Variants in IGSF21 observed in about 807,000 individuals in gnomAD.
The protein encoded by IGSF21 is immunoglobulin superfamily member 21.
In IGSF21, 28 loss-of-function variants were observed where a neutral mutation model predicts 46.8. That is an observed-to-expected ratio of 0.60 (90% CI 0.44 to 0.82). The LOEUF (loss-of-function observed/expected upper bound fraction) is 0.82. Among genes scored for constraint, IGSF21 ranks in the 40% least tolerant of loss-of-function variants. The pLI, the probability that IGSF21 is intolerant of heterozygous loss-of-function variation, is 0.00. For missense variants in IGSF21, 624 were observed against 665.5 expected (o/e 0.94, Z 0.69); for synonymous variants, 284 against 273.6 (o/e 1.04, Z -0.38).
chr1:18,243,399 G>A (rs938524867), intron 2 of IGSF21, among the ~76,000 whole-genome samples: 5 of 151,816 alleles, frequency 3.3e-5, no homozygotes, highest in Non-Finnish European at 5.9e-5. Context: ...CTCTTCCATC[G>A]AATCCGTTCT....
rs1016195912 is a variant in IGSF21, at chr1:18,108,249, C to T, written c.70+51C>T. Reference sequence around the variant, plus strand: ...GCCGAGCGGTGAACGTGCGCGGGGACGGGGTGCCGGGGGAGGGCGCTGGCC... The same window carrying T: ...GCCGAGCGGTGAACGTGCGCGGGGATGGGGTGCCGGGGGAGGGCGCTGGCC... On this transcript the variant is annotated intron_variant, in intron 1 of 9. Coordinates refer to ENST00000251296, the MANE Select transcript of IGSF21 (RefSeq NM_032880.5). 3 of 1,311,708 alleles carry T rather than the reference C, an allele frequency of 2.3e-6. No homozygotes were observed. In the South Asian group the frequency reaches 6.2e-5, roughly 27 times the overall value. 81.3% of individuals were successfully genotyped at this position (1,311,708 alleles called of 1,614,324 possible).
At chr1:18,355,918 C>T (rs2086012498) in intron 4 of IGSF21, among the ~76,000 whole-genome samples, 1 of 150,116 alleles carries the variant, frequency 6.7e-6, no homozygotes, top group Non-Finnish European at 1.5e-5. Context: ...TCACTGCAAC[C>T]TCCGCCTTCC....
At chr1:18,192,022 G>A (rs112281590) in intron 1 of IGSF21, among the ~76,000 whole-genome samples, 74 of 152,148 alleles carry the variant, frequency 4.9e-4, no homozygotes, top group African/African-American at 1.5e-3. Flanking sequence ...GGGCTGCCAC[G>A]CTCTGTCATG....
intron 1 of IGSF21, among the ~76,000 whole-genome samples, chr1:18,221,727 G>A (rs1402083219): frequency 1.3e-5 from 2 of 152,144 alleles, no homozygotes; most frequent in Non-Finnish European, 2.9e-5. Flanking sequence ...TCGATACCGC[G>A]CTTAGTGGGG....
At chr1:18,359,124 A>ACAAAAC (rs1353499444) in intron 4 of IGSF21, among the ~76,000 whole-genome samples, 1 of 151,334 alleles carries the variant, frequency 6.6e-6, no homozygotes, top group Admixed American at 6.6e-5. Flanking sequence ...AAAAACAAAA[A>ACAAAAC]CAAAACAGGC....
intron 2 of IGSF21, among the ~76,000 whole-genome samples, chr1:18,283,271 A>G (rs555241687): frequency 6.6e-6 from 1 of 152,330 alleles, no homozygotes; most frequent in African/African-American, 2.4e-5. Flanking sequence ...GGGGAAGCCA[A>G]TTACCTTGAG....
chr1:18,341,352 G>A (rs2085839500), intron 4 of IGSF21, among the ~76,000 whole-genome samples: 1 of 151,982 alleles, frequency 6.6e-6, no homozygotes, highest in Admixed American at 6.6e-5. Context: ...CAATTGCAAG[G>A]ACCCTATTTC....
At chr1:18,311,688 G>C (rs2085489998) in intron 3 of IGSF21, among the ~76,000 whole-genome samples, 1 of 152,150 alleles carries the variant, frequency 6.6e-6, no homozygotes, top group African/African-American at 2.4e-5. Flanking sequence ...GGCTGGGGAG[G>C]CCTCACAATC....
At chr1:18,198,903 T>G (rs572050006) in intron 1 of IGSF21, among the ~76,000 whole-genome samples, 1 of 152,202 alleles carries the variant, frequency 6.6e-6, no homozygotes, top group Admixed American at 6.5e-5. Context: ...ACCTCTCCCC[T>G]GCCCCCTCTG....
At chr1:18,163,416 A>G (rs2086646455) in intron 1 of IGSF21, among the ~76,000 whole-genome samples, 1 of 152,092 alleles carries the variant, frequency 6.6e-6, no homozygotes, top group South Asian at 2.1e-4. Context: ...TTAGTGCAGG[A>G]TGGGAGGATG....
intron 2 of IGSF21, among the ~76,000 whole-genome samples, chr1:18,253,535 T>A (rs535055818): frequency 1.3e-5 from 2 of 152,352 alleles, no homozygotes; most frequent in African/African-American, 4.8e-5. Flanking sequence ...AGCATGGCTT[T>A]CAGAAGTAGC....
At chr1:18,212,168 A>G (rs559432197) in intron 1 of IGSF21, among the ~76,000 whole-genome samples, 2 of 152,346 alleles carry the variant, frequency 1.3e-5, no homozygotes, top group African/African-American at 2.4e-5. Flanking sequence ...GCACAGTGCT[A>G]TGGTCCTTGC....
At chr1:18,222,546 A>G (rs896180234) in intron 1 of IGSF21, among the ~76,000 whole-genome samples, 4 of 152,126 alleles carry the variant, frequency 2.6e-5, no homozygotes, top group African/African-American at 9.7e-5. Flanking sequence ...ACCATGCTTT[A>G]CCACTTTGGA....
chr1:18,246,722 C>A (rs2084787680), intron 2 of IGSF21, among the ~76,000 whole-genome samples: 1 of 152,172 alleles, frequency 6.6e-6, no homozygotes, highest in South Asian at 2.1e-4. Flanking sequence ...GTCTAGCGCA[C>A]CCTGGCGGCA....
intron 3 of IGSF21, among the ~76,000 whole-genome samples, chr1:18,295,602 G>A (rs985333381): frequency 1.1e-4 from 16 of 152,170 alleles, no homozygotes; most frequent in African/African-American, 3.6e-4. Context: ...CTTGGGTGGA[G>A]AACTGAGGGC....
At chr1:18,353,307 A>G (rs1253934238) in intron 4 of IGSF21, among the ~76,000 whole-genome samples, 1 of 151,682 alleles carries the variant, frequency 6.6e-6, no homozygotes, top group Non-Finnish European at 1.5e-5. Context: ...AGAGGGGCTT[A>G]GGATGGGGCT....
intron 3 of IGSF21, among the ~76,000 whole-genome samples, chr1:18,292,394 G>GT (rs1417492507): frequency 6.6e-6 from 1 of 152,258 alleles, no homozygotes; most frequent in Admixed American, 6.5e-5. Context: ...ACATTCTACT[G>GT]TTTTTTGTGT....
At chr1:18,360,624 C>A (rs895481142) in intron 4 of IGSF21, among the ~76,000 whole-genome samples, 1 of 152,192 alleles carries the variant, frequency 6.6e-6, no homozygotes, top group African/African-American at 2.4e-5. Flanking sequence ...CTCTGCTTCC[C>A]TCCCTGTGCG....
chr1:18,258,911 C>T (rs1363902625), intron 2 of IGSF21, among the ~76,000 whole-genome samples: 2 of 152,310 alleles, frequency 1.3e-5, no homozygotes, highest in Non-Finnish European at 2.9e-5. Flanking sequence ...GAAAGAGTAA[C>T]CAGGCTTCAG....
Sources: gnomAD v4.1 joint callset for allele counts (sites outside exome capture counted in the v4.1 genomes callset) on GRCh38, gnomAD v4.1.1 for gene constraint, MANE v1.5 for transcripts, NCBI Gene and HGNC (gene_info 2026-07-23, HGNC 2026-07-21) for gene names.